Variants in IFT80 observed in about 807,000 individuals in gnomAD.
IFT80 encodes intraflagellar transport 80.
Under a neutral mutation model 107.9 loss-of-function variants are expected in IFT80, and 79 were observed. The observed-to-expected ratio is 0.73, with a 90% CI of 0.61 to 0.88. The LOEUF (loss-of-function observed/expected upper bound fraction) is 0.88, where lower values mean the gene tolerates loss of function less well. IFT80 is among the 40% of genes least tolerant of loss of function. IFT80 has a pLI of 0.00. For synonymous variants in IFT80, 299 were observed against 300.9 expected (o/e 0.99, Z 0.07); for missense variants, 797 against 914.2 (o/e 0.87, Z 1.65).
intron 5 of IFT80, among the ~76,000 whole-genome samples, chr3:160,369,761 GTTAT>G (rs1265406724): frequency 6.6e-6 from 1 of 151,852 alleles, no homozygotes; most frequent in Non-Finnish European, 1.5e-5. Flanking sequence ...GTAACAAAAT[GTTAT>G]TTATTTCATC....
At chr3:160,323,443 T>C (rs1369657034) in intron 8 of IFT80, among the ~76,000 whole-genome samples, 1 of 152,140 alleles carries the variant, frequency 6.6e-6, no homozygotes, top group Non-Finnish European at 1.5e-5. Flanking sequence ...ACTGTAGCCT[T>C]GTAGTATAGT....
chr3:160,296,557 T>A, intron 12 of IFT80, among the ~76,000 whole-genome samples: 1 of 151,306 alleles, frequency 6.6e-6, no homozygotes. Context: ...ACAACTCTGC[T>A]ATCATCCTCA....
chr3:160,277,105 TC>T (rs1365776110), intron 18 of IFT80, among the ~76,000 whole-genome samples, 200 bp downstream of exon 18: 1 of 152,198 alleles, frequency 6.6e-6, no homozygotes, highest in African/African-American at 2.4e-5. Flanking sequence ...TAGCCTCTCT[TC>T]TTCACACCCC....
At chr3:160,324,191 A>G (rs1467068493) in intron 8 of IFT80, among the ~76,000 whole-genome samples, 1 of 152,178 alleles carries the variant, frequency 6.6e-6, no homozygotes, top group Admixed American at 6.5e-5. Flanking sequence ...GCCGAATTCT[A>G]CCAGAGGTAC....
chr3:160,396,866 T>G (rs1713819617), intron 1 of IFT80, among the ~76,000 whole-genome samples: 2 of 152,324 alleles, frequency 1.3e-5, no homozygotes, highest in South Asian at 2.1e-4. Flanking sequence ...GAATGTCTTA[T>G]TTTTGTGGTA....
At chr3:160,298,350 C>G (rs1485150913) in intron 12 of IFT80, among the ~76,000 whole-genome samples, 2 of 152,086 alleles carry the variant, frequency 1.3e-5, no homozygotes, top group African/African-American at 4.8e-5. Flanking sequence ...AAATATTTTC[C>G]CCTCATTTTA....
chr3:160,373,889 C>G (rs1711763266), intron 5 of IFT80, among the ~76,000 whole-genome samples: 1 of 152,194 alleles, frequency 6.6e-6, no homozygotes. Context: ...CTCGCCCACC[C>G]ACTGCTCATC....
At chr3:160,281,234 TC>T (rs1301060243) in intron 14 of IFT80, among the ~76,000 whole-genome samples, 2 of 152,144 alleles carry the variant, frequency 1.3e-5, no homozygotes, top group African/African-American at 4.8e-5. Flanking sequence ...CTCCCTTGTC[TC>T]CCTTGGACCT....
rs192647843 is a variant in IFT80 at position 160,331,273 on chromosome 3, A to G, written c.778-11334T>C. On this transcript the variant is annotated intron_variant, in intron 8 of 19. Coordinates refer to ENST00000326448, the MANE Select transcript of IFT80 (RefSeq NM_020800.3). Reference sequence around the variant, plus strand: ...AGTAACTTACGGGTGGGTAGTGTACAGAGTGGATATGCTGGACAAAGGGAT... The same window carrying G: ...AGTAACTTACGGGTGGGTAGTGTACGGAGTGGATATGCTGGACAAAGGGAT... Among the ~76,000 whole-genome samples the G allele has an allele frequency of 8.5e-5, 13 of 152,332 alleles. No homozygotes were observed. In the East Asian group the frequency reaches 1.5e-3, roughly 18 times the overall value.
chr3:160,367,072 A>G (rs1721921252), intron 5 of IFT80, among the ~76,000 whole-genome samples: 1 of 152,038 alleles, frequency 6.6e-6, no homozygotes, highest in Non-Finnish European at 1.5e-5. Context: ...TAATGAATGA[A>G]CTACAGTTCC....
chr3:160,342,090 C>T (rs1206423653), intron 8 of IFT80, among the ~76,000 whole-genome samples: 2 of 152,116 alleles, frequency 1.3e-5, no homozygotes, highest in African/African-American at 4.8e-5. Context: ...ACAATCAACA[C>T]ACTAATACTT....
chr3:160,305,260 G>A (rs888269770), intron 10 of IFT80, among the ~76,000 whole-genome samples: 40 of 152,170 alleles, frequency 2.6e-4, no homozygotes, highest in Non-Finnish European at 8.8e-5. Flanking sequence ...GAAGGGGAAG[G>A]AAGCAGTGAG....
Position 160,356,140 on chromosome 3 carries a change from C to T in IFT80, c.650G>A (p.Ser217Asn), listed in dbSNP as rs556194619. 7.6e-5 allele frequency: 122 copies of T among 1,613,312 alleles called. No homozygotes were observed. In the South Asian group the frequency reaches 1.2e-3, roughly 16 times the overall value. Residue 217 changes from serine to asparagine, a missense_variant, in exon 8 of 20, where the codon AGT (serine) becomes AAT (asparagine). Physicochemically the swap from Ser to Asn is conservative, Grantham distance 46 (BLOSUM62 1). Transcript: ENST00000326448. ...TGAATTGTACAGTGGGCGGCCGTAA[C>T]TATCCCATACCTACAAAAGCAATTT... ...GEDCKYKVWD[S>N]YGRPLYNSQP...
chr3:160,279,457 A>C, intron 15 of IFT80, 93 bp from the exon 16 acceptor site: 1 of 972,118 alleles, frequency 1.0e-6, no homozygotes, highest in Non-Finnish European at 1.6e-6. Flanking sequence ...CGTGAAATAC[A>C]CACGGAGTCT....
intron 13 of IFT80, among the ~76,000 whole-genome samples, chr3:160,284,420 T>C (rs1334341942): frequency 6.6e-6 from 1 of 152,190 alleles, no homozygotes; most frequent in East Asian, 1.9e-4. Flanking sequence ...TCTGCTTATA[T>C]AGCTTGGATT....
intron 8 of IFT80, among the ~76,000 whole-genome samples, chr3:160,327,754 A>C (rs1260344604): frequency 6.6e-6 from 1 of 152,218 alleles, no homozygotes; most frequent in African/African-American, 2.4e-5. Flanking sequence ...AACCTAGGCA[A>C]TACCACTCAG....
intron 8 of IFT80, among the ~76,000 whole-genome samples, chr3:160,337,568 G>A (rs1719589910): frequency 6.6e-6 from 1 of 152,096 alleles, no homozygotes. Context: ...AGGTTGCAGC[G>A]AGCTGAGATC....
intron 9 of IFT80, among the ~76,000 whole-genome samples, chr3:160,308,561 G>C (rs78759181): frequency 6.6e-6 from 1 of 151,998 alleles, no homozygotes; most frequent in Non-Finnish European, 1.5e-5. Context: ...ATAGTTAAGA[G>C]GAAAAATATA....
chr3:160,305,833 C>T (rs1362887926), intron 10 of IFT80, among the ~76,000 whole-genome samples: 2 of 151,916 alleles, frequency 1.3e-5, no homozygotes, highest in African/African-American at 4.8e-5. Context: ...TATTCAAATC[C>T]CTGCTTTCCT....
Sources: gnomAD v4.1 joint callset for allele counts (sites outside exome capture counted in the v4.1 genomes callset) on GRCh38, gnomAD v4.1.1 for gene constraint, MANE v1.5 for transcripts, NCBI Gene and HGNC (gene_info 2026-07-23, HGNC 2026-07-21) for gene names.